Variants in DYNC2H1 observed in about 807,000 individuals in gnomAD.
The protein encoded by DYNC2H1 is dynein cytoplasmic 2 heavy chain 1, also known as cytoplasmic dynein 2 heavy chain 1.
Under a neutral mutation model 570.0 loss-of-function variants are expected in DYNC2H1, and 410 were observed. That is an observed-to-expected ratio of 0.72 (90% confidence interval 0.66 to 0.78). DYNC2H1 has a LOEUF of 0.78. DYNC2H1 is among the 30% of genes least tolerant of loss of function. DYNC2H1 has a pLI of 0.00. For missense variants in DYNC2H1, 4,865 were observed against 5,046.4 expected (o/e 0.96, Z 1.09); for synonymous variants, 1,688 against 1,677.6 (o/e 1.01, Z -0.15).
At chr11:103,296,376 A>G (rs1002874290) in intron 75 of DYNC2H1, among the ~76,000 whole-genome samples, 3 of 152,232 alleles carry the variant, frequency 2.0e-5, no homozygotes, top group African/African-American at 7.2e-5. Context: ...AAAATACTTT[A>G]TCTTGTTACT....
intron 75 of DYNC2H1, among the ~76,000 whole-genome samples, chr11:103,294,841 A>G (rs1866754771): frequency 6.6e-6 from 1 of 152,150 alleles, no homozygotes. Flanking sequence ...AACATCAACT[A>G]AGGAGCAAAG....
intron 61 of DYNC2H1, 70 bp downstream of exon 61, chr11:103,234,230 T>C: frequency 6.8e-7 from 1 of 1,470,918 alleles, no homozygotes; most frequent in East Asian, 2.5e-5. Flanking sequence ...TAATGTATGT[T>C]AAGAAAAAGG....
chr11:103,387,806 T>C (rs1341521799), intron 83 of DYNC2H1, among the ~76,000 whole-genome samples: 8 of 152,318 alleles, frequency 5.3e-5, no homozygotes, highest in African/African-American at 1.9e-4. Context: ...AAAGATCAGA[T>C]AGTTGTAGAT....
At chr11:103,440,793 T>C (rs1036043528) in intron 85 of DYNC2H1, among the ~76,000 whole-genome samples, 2 of 152,174 alleles carry the variant, frequency 1.3e-5, no homozygotes, top group African/African-American at 4.8e-5. Context: ...ACTTCTCTCC[T>C]CTCACACTTT....
chr11:103,380,707 G>A (rs1408685312), intron 83 of DYNC2H1, among the ~76,000 whole-genome samples: 1 of 152,100 alleles, frequency 6.6e-6, no homozygotes, highest in African/African-American at 2.4e-5. Context: ...GACCACAGGT[G>A]CACGGCACCA....
At position 103,256,249 on chromosome 11, in the gene DYNC2H1, T is replaced by G; in HGVS notation, c.10461+9T>G. The G allele has an allele frequency of 1.9e-6, 3 of 1,586,974 alleles. No homozygotes were observed. The highest frequency in any genetic ancestry group is 1.8e-5 in the Admixed American group (1 of 55,384). On this transcript the variant is annotated intron_variant, in intron 68 of 88. Coordinates refer to ENST00000375735, the MANE Select transcript of DYNC2H1 (RefSeq NM_001377.3). This position sits in a 1 kb window ranked among gnomAD's most constrained non-coding sequence, Gnocchi z 4.0. The stretch of plus-strand genomic sequence containing the variant: ...AAATTTCCCTTGATCAAGTAATTAT[T>G]TCCTTCTTTGTAATTTCGTATTATG...
intron 31 of DYNC2H1, among the ~76,000 whole-genome samples, chr11:103,168,167 C>T (rs993709930): frequency 2.6e-5 from 4 of 152,166 alleles, no homozygotes; most frequent in Non-Finnish European, 4.4e-5. Flanking sequence ...ATCACAGCTC[C>T]TCTGGAGTTT....
chr11:103,467,686 C>T (rs987261421), intron 87 of DYNC2H1, among the ~76,000 whole-genome samples: 9 of 152,056 alleles, frequency 5.9e-5, no homozygotes, highest in Admixed American at 6.6e-5. Flanking sequence ...TACAGGTGCC[C>T]GCCACCACGC....
At chr11:103,200,723 T>A (rs781291386) in intron 50 of DYNC2H1, among the ~76,000 whole-genome samples, 1 of 152,226 alleles carries the variant, frequency 6.6e-6, no homozygotes, top group East Asian at 1.9e-4. Flanking sequence ...ACATTTCATG[T>A]GTCTGGAATA....
intron 58 of DYNC2H1, 68 bp downstream of exon 58, chr11:103,222,221 G>A (rs1470573260): frequency 3.6e-6 from 4 of 1,101,696 alleles, no homozygotes; most frequent in Non-Finnish European, 5.0e-6. Context: ...TTAAAATGTG[G>A]TGCTTTGTCA....
At chr11:103,418,578 A>G (rs1157151255) in intron 84 of DYNC2H1, among the ~76,000 whole-genome samples, 1 of 152,218 alleles carries the variant, frequency 6.6e-6, no homozygotes, top group African/African-American at 2.4e-5. Context: ...AAGCAGCTGC[A>G]GTCTGTGGCA....
chr11:103,328,928 G>A (rs1471068443), intron 82 of DYNC2H1, among the ~76,000 whole-genome samples: 2 of 152,126 alleles, frequency 1.3e-5, no homozygotes, highest in Admixed American at 6.5e-5. Context: ...GAGGGGGAGA[G>A]ATAAATTTGA....
intron 87 of DYNC2H1, among the ~76,000 whole-genome samples, chr11:103,456,848 G>C (rs899538433): frequency 6.6e-6 from 1 of 152,148 alleles, no homozygotes; most frequent in Non-Finnish European, 1.5e-5. Context: ...CGCAAACATT[G>C]TTTCATGCAC....
rs960386734 is a variant in DYNC2H1 at position 103,129,508 on chromosome 11, C to G, written c.1953+503C>G. Among the ~76,000 whole-genome samples the G allele has an allele frequency of 3.3e-5, 5 of 151,908 alleles. No homozygotes were observed. The highest frequency in any genetic ancestry group is 3.3e-4 in the Admixed American group (5 of 15,236). On this transcript the variant is annotated intron_variant, in intron 13 of 88. Transcript: ENST00000375735. This position sits in a 1 kb window ranked among gnomAD's most constrained non-coding sequence, Gnocchi z 4.1. The stretch of plus-strand genomic sequence containing the variant: ...ACCAGCCTGGCCAACATGGTGAAAC[C>G]CCATCTCAACTAAAAATACAAAAAA...
intron 26 of DYNC2H1, 146 bp from the exon 27 acceptor site, chr11:103,158,531 A>C (rs2134905652): frequency 1.8e-6 from 1 of 542,920 alleles, no homozygotes; most frequent in South Asian, 2.8e-5. Context: ...GTGTGATATT[A>C]ATATTTAACA....
At chr11:103,463,126 G>A (rs1945077590) in intron 87 of DYNC2H1, among the ~76,000 whole-genome samples, 1 of 152,116 alleles carries the variant, frequency 6.6e-6, no homozygotes, top group South Asian at 2.1e-4. Context: ...ATGGCCCAGG[G>A]AGATTGTGAT....
chr11:103,358,220 A>G lies in DYNC2H1; in HGVS notation c.12040-23A>G, dbSNP rs748126118. On this transcript the variant is annotated intron_variant, in intron 82 of 88. Coordinates refer to ENST00000375735, the MANE Select transcript of DYNC2H1 (RefSeq NM_001377.3). ...CGGCTGAAGTTCTTTTTATTTGTTG[A>G]TACTTATTATTTTTTTATTCAGGTT... The G allele has an allele frequency of 9.6e-6, 13 of 1,359,890 alleles. No homozygotes were observed. The Admixed American group carries it at 2.2e-4, about 23-fold the overall frequency. The allele number at this position is 1,359,890 out of a possible 1,614,324, so 84.2% of individuals were successfully genotyped here.
At chr11:103,345,855 G>T (rs1030347737) in intron 82 of DYNC2H1, among the ~76,000 whole-genome samples, 3 of 152,156 alleles carry the variant, frequency 2.0e-5, no homozygotes. Flanking sequence ...TAATGCTGTT[G>T]CTCAAAATGG....
chr11:103,179,122 C>T lies in DYNC2H1; in HGVS notation c.6236C>T (p.Pro2079Leu), dbSNP rs775042786. Reference sequence around the variant, plus strand: ...GATGATAATCGACTGCTGACTATGCCCAGTGGAGAAAGGATTCAGTTTGGC... The same window carrying T: ...GATGATAATCGACTGCTGACTATGCTCAGTGGAGAAAGGATTCAGTTTGGC... ...VLDDNRLLTM[P>L]SGERIQFGPN... is the part of the protein sequence containing the mutation. Residue 2079 changes from proline to leucine, a missense_variant, in exon 39 of 89, where the codon CCC becomes CTC. By Grantham distance (98) the Pro-to-Leu change is moderately conservative. Transcript: ENST00000375735. 6.2e-7 allele frequency: 1 copy of T among 1,612,920 alleles called. No homozygotes were observed. Among genetic ancestry groups the T allele is most frequent in the East Asian group, 2.2e-5 (1 of 44,818 alleles).
Sources: allele counts gnomAD v4.1 joint callset (sites outside exome capture counted in the v4.1 genomes callset), GRCh38; gene constraint gnomAD v4.1.1; non-coding constraint Gnocchi (gnomAD v3.1); transcripts MANE v1.5; gene names NCBI Gene and HGNC (gene_info 2026-07-23, HGNC 2026-07-21).